Variants in STK39 observed in about 807,000 individuals in gnomAD.
STK39 encodes the protein STE20/SPS1-related proline-alanine-rich protein kinase.
A neutral mutation model predicts 77.8 loss-of-function variants in STK39; 20 were observed. The observed-to-expected ratio is 0.26, with a 90% confidence interval of 0.18 to 0.37. STK39 has a LOEUF of 0.37. STK39 is among the 10% of genes least tolerant of loss of function. STK39 has a pLI of 1.00. For synonymous variants in STK39, 246 were observed against 234.1 expected, an observed-to-expected ratio of 1.05 and a Z score of -0.47; for missense variants, 479 against 656.5, an observed-to-expected ratio of 0.73 and a Z score of 2.95.
chr2:168,172,608 T>G (rs1222699037), intron 2 of STK39, among the ~76,000 whole-genome samples: 3 of 152,050 alleles, frequency 2.0e-5, no homozygotes, highest in African/African-American at 7.2e-5. Flanking sequence ...CCTGATTTCT[T>G]TTGTTCCTAA....
intron 16 of STK39, among the ~76,000 whole-genome samples, chr2:168,004,604 G>T (rs1484893228): frequency 6.6e-6 from 1 of 151,766 alleles, no homozygotes; most frequent in Non-Finnish European, 1.5e-5. Flanking sequence ...ATGGTGGTGG[G>T]TGCCTGTAGT....
chr2:167,964,795 G>T, intron 16 of STK39, 69 bp from the exon 17 acceptor site: 2 of 1,366,690 alleles, frequency 1.5e-6, no homozygotes, highest in South Asian at 1.3e-5. Context: ...TCACATCAAT[G>T]ACTCAGAAAA....
chr2:167,972,659 G>C (rs1692380792), intron 16 of STK39, among the ~76,000 whole-genome samples: 1 of 152,122 alleles, frequency 6.6e-6, no homozygotes, highest in African/African-American at 2.4e-5. Flanking sequence ...GCCAGGGTTG[G>C]ATAATAAAAG....
At chr2:168,078,463 C>T (rs1686138866) in intron 10 of STK39, among the ~76,000 whole-genome samples, 1 of 152,118 alleles carries the variant, frequency 6.6e-6, no homozygotes, top group Admixed American at 6.5e-5. Context: ...CCTGTCACTC[C>T]AGTGCTGCAT....
At chr2:168,204,432 G>C (rs542551544) in intron 1 of STK39, among the ~76,000 whole-genome samples, 221 of 152,306 alleles carry the variant, frequency 1.5e-3, no homozygotes, top group African/African-American at 4.5e-3. Context: ...GGGAAATCTA[G>C]CCACATCAGA....
chr2:168,006,488 T>A (rs1684137191), intron 16 of STK39, among the ~76,000 whole-genome samples: 1 of 152,190 alleles, frequency 6.6e-6, no homozygotes, highest in African/African-American at 2.4e-5. Context: ...GCCGGCTGTT[T>A]TTTCACCAGA....
chr2:168,061,862 A>T (rs1166515979), intron 14 of STK39, among the ~76,000 whole-genome samples: 1 of 152,234 alleles, frequency 6.6e-6, no homozygotes, highest in Non-Finnish European at 1.5e-5. Context: ...GTTAAGGTTC[A>T]GTAGTACGTG....
intron 17 of STK39, among the ~76,000 whole-genome samples, chr2:167,961,326 TA>T (rs1559034566): frequency 6.6e-6 from 1 of 152,242 alleles, no homozygotes; most frequent in Non-Finnish European, 1.5e-5. Flanking sequence ...ATAATGCTAT[TA>T]AACTTCAGTA....
At chr2:168,173,234 A>G (rs1409923382) in intron 2 of STK39, among the ~76,000 whole-genome samples, 1 of 152,234 alleles carries the variant, frequency 6.6e-6, no homozygotes, top group Non-Finnish European at 1.5e-5. Context: ...CATCTGTAAA[A>G]TGTATGCAAT....
intron 1 of STK39, among the ~76,000 whole-genome samples, chr2:168,195,671 A>C (rs913642425): frequency 6.6e-6 from 1 of 152,220 alleles, no homozygotes; most frequent in Non-Finnish European, 1.5e-5. Flanking sequence ...ATAATACTTA[A>C]GTCCATCCAG....
chr2:168,004,978 C>G (rs1443889625), intron 16 of STK39, among the ~76,000 whole-genome samples: 1 of 147,764 alleles, frequency 6.8e-6, no homozygotes, highest in East Asian at 2.0e-4. Flanking sequence ...TTAGCAAGCA[C>G]TAGGGGACAG....
chr2:168,113,747 T>C (rs894381922), intron 10 of STK39, among the ~76,000 whole-genome samples: 1 of 152,196 alleles, frequency 6.6e-6, no homozygotes, highest in African/African-American at 2.4e-5. Flanking sequence ...TCCCCAGACC[T>C]GTAGAATGTG....
Position 168,235,039 on chromosome 2 carries a change from A to ATT in STK39, c.208+12187_208+12188dup, listed in dbSNP as rs556244576. Among the ~76,000 whole-genome samples the ATT allele has an allele frequency of 1.2e-3, 168 of 141,068 alleles. 1 individual carries two copies. The highest frequency in any genetic ancestry group is 4.1e-3 in the African/African-American group (157 of 38,240). The allele number at this position is 141,068 out of a possible 152,430, so 92.5% of individuals were successfully genotyped here. A position where few individuals can be genotyped will look rare whatever the true frequency, so the allele number is the denominator to read the frequency against. ...TACCTTAAAATTTATTGAGTCAATAATTTTTTTTTTTTTTTTGAAACAGAG... is the reference window on the plus strand; with the variant it reads ...TACCTTAAAATTTATTGAGTCAATAATTTTTTTTTTTTTTTTTTGAAACAGAG... On this transcript the variant is annotated intron_variant, in intron 1 of 17. Coordinates refer to ENST00000355999, the MANE Select transcript of STK39 (RefSeq NM_013233.3).
At chr2:168,061,041 A>G (rs1055776342) in intron 14 of STK39, among the ~76,000 whole-genome samples, 2 of 152,236 alleles carry the variant, frequency 1.3e-5, no homozygotes, top group Admixed American at 1.3e-4. Context: ...AAATTCATCA[A>G]AACTATCAGG....
intron 10 of STK39, among the ~76,000 whole-genome samples, chr2:168,104,000 A>G (rs1470196667): frequency 6.6e-6 from 1 of 152,236 alleles, no homozygotes; most frequent in Non-Finnish European, 1.5e-5. Flanking sequence ...CAGCTACCAT[A>G]TAGCCATTAA....
At chr2:168,112,369 G>A (rs1687141614) in intron 10 of STK39, among the ~76,000 whole-genome samples, 1 of 152,026 alleles carries the variant, frequency 6.6e-6, no homozygotes, top group Non-Finnish European at 1.5e-5. Flanking sequence ...AGCGGAGGGG[G>A]CTGGTTGGGG....
intron 1 of STK39, among the ~76,000 whole-genome samples, chr2:168,196,900 T>C (rs1689484543): frequency 6.6e-6 from 1 of 152,044 alleles, no homozygotes; most frequent in South Asian, 2.1e-4. Context: ...TGGCTGGTGC[T>C]TGTCAGCTAA....
At chr2:168,241,809 T>C (rs1418525177) in intron 1 of STK39, among the ~76,000 whole-genome samples, 1 of 151,784 alleles carries the variant, frequency 6.6e-6, no homozygotes, top group East Asian at 1.9e-4. Context: ...GGCACGATTC[T>C]CAGTGCTTTA....
At chr2:168,243,236 T>C (rs1690815835) in intron 1 of STK39, among the ~76,000 whole-genome samples, 1 of 152,194 alleles carries the variant, frequency 6.6e-6, no homozygotes, top group Admixed American at 6.5e-5. Context: ...ACAGAAACTC[T>C]GAGAGCACAG....
Sources: allele counts gnomAD v4.1 joint callset (sites outside exome capture counted in the v4.1 genomes callset), GRCh38; gene constraint gnomAD v4.1.1; transcripts MANE v1.5; gene names NCBI Gene and HGNC (gene_info 2026-07-23, HGNC 2026-07-21).